Variants in PSPC1 observed in about 807,000 individuals in gnomAD.
The protein encoded by PSPC1 is paraspeckle protein 1.
A neutral mutation model predicts 51.6 loss-of-function variants in PSPC1; 14 were observed. The observed-to-expected ratio is 0.27, with a 90% confidence interval of 0.18 to 0.42. The LOEUF (loss-of-function observed/expected upper bound fraction) is 0.42, where lower values mean the gene tolerates loss of function less well. Among genes scored for constraint, PSPC1 ranks in the 10% least tolerant of loss-of-function variants. The pLI is 1.00. For missense variants in PSPC1, 406 were observed against 701.1 expected, an observed-to-expected ratio of 0.58 and a Z score of 4.75; for synonymous variants, 193 against 231.9, an observed-to-expected ratio of 0.83 and a Z score of 1.53.
At chr13:19,748,299 A>G (rs1886195566) in intron 4 of PSPC1, among the ~76,000 whole-genome samples, 1 of 152,234 alleles carries the variant, frequency 6.6e-6, no homozygotes. Flanking sequence ...TAAACAAACT[A>G]CAACTGAAAT....
At chr13:19,705,385 C>A (rs1369156870) in intron 8 of PSPC1, among the ~76,000 whole-genome samples, 1 of 151,894 alleles carries the variant, frequency 6.6e-6, no homozygotes, top group African/African-American at 2.4e-5. Flanking sequence ...CCCAACTACT[C>A]GGGAGGCTGA....
At chr13:19,734,834 C>T (rs751246493) in intron 5 of PSPC1, among the ~76,000 whole-genome samples, 9 of 151,072 alleles carry the variant, frequency 6.0e-5, no homozygotes, top group South Asian at 4.2e-4. Flanking sequence ...AAAAATTAGC[C>T]GGGCGTGGTG....
intron 6 of PSPC1, chr13:19,678,559 T>A (rs1208064062): frequency 6.6e-6 from 1 of 152,156 alleles, no homozygotes; most frequent in Non-Finnish European, 1.5e-5. Context: ...CCTAGATCAG[T>A]GTTGTTAAAA....
intron 6 of PSPC1, among the ~76,000 whole-genome samples, chr13:19,722,852 G>A (rs1882937357): frequency 6.6e-6 from 1 of 152,102 alleles, no homozygotes; most frequent in Non-Finnish European, 1.5e-5. Flanking sequence ...ACTCATGCCT[G>A]TAATCCCAGC....
At chr13:19,724,931 G>A (rs1172853878) in intron 6 of PSPC1, among the ~76,000 whole-genome samples, 5 of 151,622 alleles carry the variant, frequency 3.3e-5, no homozygotes, top group Admixed American at 1.3e-4. Context: ...CCTGGGAGGC[G>A]GGGGTTGGAG....
intron 2 of PSPC1, among the ~76,000 whole-genome samples, chr13:19,761,777 T>C (rs906924012): frequency 9.9e-5 from 15 of 152,180 alleles, no homozygotes; most frequent in African/African-American, 3.6e-4. Flanking sequence ...ATGCATTTTA[T>C]GGACCATTCA....
chr13:19,739,315 GATTT>G (rs1885174801), intron 5 of PSPC1, among the ~76,000 whole-genome samples: 1 of 152,034 alleles, frequency 6.6e-6, no homozygotes, highest in African/African-American at 2.4e-5. Context: ...TGGTTTTAAT[GATTT>G]ATTTTTTGCT....
At chr13:19,745,844 C>G (rs1885918250) in intron 4 of PSPC1, among the ~76,000 whole-genome samples, 2 of 152,042 alleles carry the variant, frequency 1.3e-5, no homozygotes, top group African/African-American at 4.8e-5. Context: ...TGGTCTCGAT[C>G]TCCTGTCGGC....
intron 4 of PSPC1, 87 bp from the exon 5 acceptor site, chr13:19,741,736 C>A (rs74532304): frequency 2.6e-6 from 2 of 764,798 alleles, no homozygotes. Flanking sequence ...CTATCACTGG[C>A]AATATATTGG....
intron 6 of PSPC1, among the ~76,000 whole-genome samples, chr13:19,691,959 C>T (rs1878615171): frequency 6.6e-6 from 1 of 151,956 alleles, no homozygotes; most frequent in Non-Finnish European, 1.5e-5. Context: ...GACGGAGGAA[C>T]CACCTTAGAG....
At chr13:19,767,522 A>T (rs1192904641) in intron 2 of PSPC1, among the ~76,000 whole-genome samples, 2 of 152,160 alleles carry the variant, frequency 1.3e-5, no homozygotes, top group East Asian at 1.9e-4. Context: ...AGCCAAAAAA[A>T]TTTTTGAAAA....
chr13:19,750,479 C>G (rs1249168381), intron 4 of PSPC1, among the ~76,000 whole-genome samples: 1 of 149,480 alleles, frequency 6.7e-6, no homozygotes, highest in Non-Finnish European at 1.5e-5. Flanking sequence ...TATATATACA[C>G]TTACCAATTA....
chr13:19,677,715 C>CG (rs1444829489), intron 7 of PSPC1: 10 of 454,734 alleles, frequency 2.2e-5, no homozygotes, highest in African/African-American at 2.0e-4. Flanking sequence ...TGAGCAGATA[C>CG]GGACTGACCT....
intron 6 of PSPC1, among the ~76,000 whole-genome samples, chr13:19,729,337 C>T (rs1395975058): frequency 6.6e-6 from 1 of 151,912 alleles, no homozygotes; most frequent in Admixed American, 6.6e-5. Context: ...AAGAGTTCGA[C>T]ACCAGCCTGG....
chr13:19,722,451 G>C (rs1882881317), intron 6 of PSPC1, among the ~76,000 whole-genome samples: 2 of 151,432 alleles, frequency 1.3e-5, no homozygotes, highest in African/African-American at 4.9e-5. Flanking sequence ...AGGGCGCTAT[G>C]ATCGTGCCAC....
intron 1 of PSPC1, among the ~76,000 whole-genome samples, chr13:19,776,829 C>G (rs1889185888): frequency 6.8e-6 from 1 of 147,336 alleles, no homozygotes; most frequent in African/African-American, 2.5e-5. Flanking sequence ...ATTTTTAAAA[C>G]CCTAAAAAAT....
intron 5 of PSPC1, among the ~76,000 whole-genome samples, chr13:19,738,226 C>T (rs931766536): frequency 5.3e-5 from 8 of 152,138 alleles, no homozygotes; most frequent in African/African-American, 7.2e-5. Flanking sequence ...ATTCAAATCA[C>T]ACTCACACAG....
At chr13:19,780,190 G>A (rs1287740702) in intron 1 of PSPC1, among the ~76,000 whole-genome samples, 17 of 122,304 alleles carry the variant, frequency 1.4e-4, no homozygotes, top group African/African-American at 4.1e-4. Context: ...GGAGGTGGGG[G>A]GGGTCAGCCC....
intron 6 of PSPC1, among the ~76,000 whole-genome samples, chr13:19,696,581 T>C (rs2137680174): frequency 6.6e-6 from 1 of 152,134 alleles, no homozygotes; most frequent in Admixed American, 6.6e-5. Context: ...CTTATGGTCT[T>C]GGGAAATACA....
Sources: allele counts gnomAD v4.1 joint callset (sites outside exome capture counted in the v4.1 genomes callset), GRCh38; gene constraint gnomAD v4.1.1; transcripts MANE v1.5; gene names NCBI Gene and HGNC (gene_info 2026-07-23, HGNC 2026-07-21).